PRKN: variants seen among roughly 807,000 people sequenced by gnomAD.
PRKN encodes the protein parkin RBR E3 ubiquitin protein ligase.
PRKN carries 56 observed loss-of-function variants against 59.5 expected under a neutral mutation model. The observed-to-expected ratio is 0.94, with a 90% CI of 0.76 to 1.18. PRKN has a LOEUF of 1.18. Among genes scored for constraint, PRKN ranks in the 50% most tolerant of loss-of-function variants. PRKN has a pLI of 0.00. For synonymous variants in PRKN, 250 were observed against 222.1 expected (o/e 1.13, Z -1.12); for missense variants, 657 against 596.4 (o/e 1.10, Z -1.06).
At chr6:162,445,900 G>A (rs981332340) in intron 1 of PRKN, among the ~76,000 whole-genome samples, 3 of 151,852 alleles carry the variant, frequency 2.0e-5, no homozygotes, top group Non-Finnish European at 4.4e-5. Context: ...CAAAACAGAC[G>A]TGACACTCCA....
At chr6:162,587,297 AG>A in intron 1 of PRKN, among the ~76,000 whole-genome samples, 1 of 151,982 alleles carries the variant, frequency 6.6e-6, no homozygotes, top group Non-Finnish European at 1.5e-5. Context: ...CACCACATTC[AG>A]CTAATTTTTG....
At chr6:162,285,556 T>A (rs1583316237) in intron 2 of PRKN, among the ~76,000 whole-genome samples, 1 of 132,378 alleles carries the variant, frequency 7.6e-6, no homozygotes, top group Admixed American at 7.3e-5. Context: ...GTATAGTGCG[T>A]GCTTGTTGAA....
chr6:161,874,176 ATAT>A lies in PRKN; in HGVS notation c.735-88271_735-88269del, dbSNP rs1794508777. On this transcript the variant is annotated intron_variant, in intron 6 of 11. Transcript: ENST00000366898. ...ATATATTATATATAATATATAATAT[ATAT>A]TATATATAATATATAATATATATTA... is the stretch of plus-strand genomic sequence containing the variant. Among the ~76,000 whole-genome samples, 5 of 52,836 alleles carry A rather than the reference ATAT, an allele frequency of 9.5e-5. 2 individuals carry two copies. Among genetic ancestry groups the A allele is most frequent in the African/African-American group, 4.6e-4 (5 of 10,912 alleles). 34.7% of individuals were successfully genotyped at this position (52,836 alleles called of 152,430 possible).
intron 2 of PRKN, among the ~76,000 whole-genome samples, chr6:162,442,896 T>C (rs776580195): frequency 2.0e-5 from 3 of 152,164 alleles, no homozygotes; most frequent in South Asian, 2.1e-4. Context: ...GGGGTCACAA[T>C]TGGGTTACAA....
intron 7 of PRKN, among the ~76,000 whole-genome samples, chr6:161,731,960 T>A (rs1562640115): frequency 6.6e-6 from 1 of 152,180 alleles, no homozygotes; most frequent in Non-Finnish European, 1.5e-5. Context: ...TTTTAACTTT[T>A]GTTTTAGATT....
chr6:161,523,665 T>G (rs1355269176), intron 9 of PRKN, among the ~76,000 whole-genome samples: 1 of 152,238 alleles, frequency 6.6e-6, no homozygotes, highest in African/African-American at 2.4e-5. Flanking sequence ...ATTTACTGTA[T>G]GATGAAAAAG....
chr6:162,007,658 C>T (rs1782308812), intron 5 of PRKN, among the ~76,000 whole-genome samples: 1 of 151,890 alleles, frequency 6.6e-6, no homozygotes, highest in Non-Finnish European at 1.5e-5. Flanking sequence ...CTGCTCATCA[C>T]AACAAATTCT....
intron 4 of PRKN, among the ~76,000 whole-genome samples, chr6:162,099,986 A>G (rs1053545381): frequency 6.6e-6 from 1 of 152,272 alleles, no homozygotes; most frequent in South Asian, 2.1e-4. Context: ...CTCAGATTTC[A>G]GTGTTTTTAG....
intron 6 of PRKN, among the ~76,000 whole-genome samples, chr6:161,853,223 T>C (rs1366586734): frequency 6.6e-6 from 1 of 152,182 alleles, no homozygotes; most frequent in Non-Finnish European, 1.5e-5. Flanking sequence ...TACTGAAAAC[T>C]GTTTTTACTT....
intron 1 of PRKN, among the ~76,000 whole-genome samples, chr6:162,699,352 C>T (rs538504161): frequency 6.6e-6 from 1 of 152,060 alleles, no homozygotes; most frequent in African/African-American, 2.4e-5. Flanking sequence ...AAGCCAAAAA[C>T]ATCTACCAAA....
chr6:161,946,420 T>A (rs201039092), intron 6 of PRKN, among the ~76,000 whole-genome samples: 4,253 of 45,554 alleles, frequency 0.093, 104 homozygotes, highest in African/African-American at 0.11. Flanking sequence ...ACACACTCTC[T>A]CTCTCTCTCT....
intron 1 of PRKN, among the ~76,000 whole-genome samples, chr6:162,448,824 CCCTCCCTCCCTCCTTCCCTT>C (rs1403340625): frequency 1.3e-5 from 2 of 149,878 alleles, no homozygotes; most frequent in Non-Finnish European, 3.0e-5. Context: ...TTCTCTTCCT[CCCTCCCTCCCTCCTTCCCTT>C]CCTCCCTCCC....
chr6:162,435,930 A>C (rs1468347455), intron 2 of PRKN, among the ~76,000 whole-genome samples: 2 of 152,112 alleles, frequency 1.3e-5, no homozygotes, highest in African/African-American at 4.8e-5. Flanking sequence ...ACAAACAAAA[A>C]ATCATGGTGG....
At chr6:162,184,581 C>T (rs60361744) in intron 4 of PRKN, among the ~76,000 whole-genome samples, 12,102 of 152,132 alleles carry the variant, frequency 0.08, 559 homozygotes, top group African/African-American at 0.11. Context: ...ATGTTGCTTC[C>T]CCTTCCACCA....
chr6:161,609,034 T>C (rs1782390648), intron 7 of PRKN, among the ~76,000 whole-genome samples: 1 of 152,142 alleles, frequency 6.6e-6, no homozygotes, highest in African/African-American at 2.4e-5. Context: ...CAGTAGCTGC[T>C]CACTCCTTAA....
intron 7 of PRKN, among the ~76,000 whole-genome samples, chr6:161,778,719 G>A (rs1790061750): frequency 6.6e-6 from 1 of 152,068 alleles, no homozygotes; most frequent in Admixed American, 6.6e-5. Context: ...AACCTCCAGA[G>A]AAACATTCCA....
intron 1 of PRKN, chr6:162,727,191 A>C (rs1779269085): frequency 6.3e-6 from 1 of 157,558 alleles, no homozygotes; most frequent in Non-Finnish European, 1.4e-5. Flanking sequence ...CTTCCATTAG[A>C]GTTTAATGCT....
At chr6:162,408,119 G>A (rs1788166379) in intron 2 of PRKN, among the ~76,000 whole-genome samples, 1 of 151,918 alleles carries the variant, frequency 6.6e-6, no homozygotes, top group Non-Finnish European at 1.5e-5. Flanking sequence ...TTTTGAACCA[G>A]TTTTGTCATC....
intron 5 of PRKN, among the ~76,000 whole-genome samples, chr6:162,034,136 T>C (rs1783745800): frequency 6.6e-6 from 1 of 150,502 alleles, no homozygotes; most frequent in Admixed American, 6.6e-5. Flanking sequence ...CACAGGGTCA[T>C]TCAATTGTGT....
Sources: allele counts gnomAD v4.1 joint callset (sites outside exome capture counted in the v4.1 genomes callset), GRCh38; gene constraint gnomAD v4.1.1; transcripts MANE v1.5; gene names NCBI Gene and HGNC (gene_info 2026-07-23, HGNC 2026-07-21).